PCDH11X: variants seen among roughly 807,000 people sequenced by gnomAD.
PCDH11X encodes protocadherin-11 X-linked.
Under a neutral mutation model 53.3 loss-of-function variants are expected in PCDH11X, and 18 were observed. That is an observed-to-expected ratio of 0.34 (90% CI 0.23 to 0.50). The LOEUF is 0.50. Ranked by LOEUF, PCDH11X falls within the 20% of genes least tolerant of loss-of-function variation. The probability of loss-of-function intolerance (pLI) is 0.98; values close to 1 mark genes in which losing one functional copy is unlikely to be tolerated. For missense variants in PCDH11X, 570 were observed against 1,032.4 expected (o/e 0.55, Z 6.14); for synonymous variants, 279 against 393.3 (o/e 0.71, Z 3.44).
At chrX:92,301,714 T>C (rs1337544039) in intron 8 of PCDH11X, among the ~76,000 whole-genome samples, 2 of 109,555 alleles carry the variant, frequency 1.8e-5, no homozygotes, top group Non-Finnish European at 3.8e-5. Context: ...ATTCCAGATA[T>C]TATTCTGCAG....
chrX:92,032,548 T>C (rs1056154624), intron 6 of PCDH11X, among the ~76,000 whole-genome samples: 16 of 111,263 alleles, frequency 1.4e-4, no homozygotes, highest in African/African-American at 5.2e-4. Context: ...TGGGTATCCT[T>C]GTCGTGTTCC....
chrX:91,870,131 A>G (rs1353223616), intron 5 of PCDH11X, among the ~76,000 whole-genome samples: 5 of 111,900 alleles, frequency 4.5e-5, no homozygotes, highest in Non-Finnish European at 9.4e-5. Context: ...CCTGAAAAAT[A>G]GATGTGCTTC....
chrX:92,345,642 G>T, intron 8 of PCDH11X, among the ~76,000 whole-genome samples: 1 of 111,211 alleles, frequency 9.0e-6, no homozygotes, highest in East Asian at 2.8e-4. Flanking sequence ...AATGTCAGAA[G>T]AAATCTCAAA....
intron 9 of PCDH11X, among the ~76,000 whole-genome samples, chrX:92,442,026 A>C (rs2072525946): frequency 9.0e-6 from 1 of 111,022 alleles, no homozygotes; most frequent in Non-Finnish European, 1.9e-5. Flanking sequence ...TTGGAGTCTT[A>C]AGATTTGACT....
intron 7 of PCDH11X, among the ~76,000 whole-genome samples, chrX:92,237,908 A>G (rs939806109): frequency 8.9e-6 from 1 of 112,013 alleles, no homozygotes; most frequent in Non-Finnish European, 1.9e-5. Context: ...GCCTCAGGGC[A>G]GTCAGGAATT....
intron 6 of PCDH11X, among the ~76,000 whole-genome samples, chrX:91,956,962 C>CT (rs202186904): frequency 0.082 from 8,538 of 103,888 alleles, 542 homozygotes; most frequent in African/African-American, 0.17. Flanking sequence ...CCTTTTCATT[C>CT]TTTTTTCTCT....
chrX:92,470,969 G>A (rs2073250105), intron 10 of PCDH11X, among the ~76,000 whole-genome samples: 1 of 108,700 alleles, frequency 9.2e-6, no homozygotes, highest in Non-Finnish European at 1.9e-5. Context: ...AATAAGTTTT[G>A]TAGTGTTCCC....
At chrX:91,958,305 C>T (rs1418089188) in intron 6 of PCDH11X, among the ~76,000 whole-genome samples, 1 of 111,812 alleles carries the variant, frequency 8.9e-6, no homozygotes, top group Admixed American at 9.5e-5. Flanking sequence ...GCTTGGCTCA[C>T]TGGATTCAGC....
At chrX:92,560,825 C>T (rs904140509) in intron 10 of PCDH11X, among the ~76,000 whole-genome samples, 2 of 106,456 alleles carry the variant, frequency 1.9e-5, no homozygotes, top group Non-Finnish European at 3.8e-5. Flanking sequence ...GGCTCCTAGA[C>T]ATCACTGGAC....
chrX:91,996,253 G>A (rs920742760), intron 6 of PCDH11X, among the ~76,000 whole-genome samples: 2 of 101,713 alleles, frequency 2.0e-5, no homozygotes, highest in African/African-American at 7.3e-5. Context: ...TTCAAGCGAT[G>A]ATTCTCCTGC....
intron 8 of PCDH11X, among the ~76,000 whole-genome samples, chrX:92,345,374 A>C (rs2069867207): frequency 1.8e-5 from 2 of 110,478 alleles, no homozygotes; most frequent in African/African-American, 6.6e-5. Flanking sequence ...ATATGGAAGT[A>C]AATAATAATT....
intron 4 of PCDH11X, among the ~76,000 whole-genome samples, chrX:91,816,146 A>T (rs756488069): frequency 9.0e-6 from 1 of 111,195 alleles, no homozygotes; most frequent in East Asian, 2.8e-4. Context: ...CCCAAAAAAA[A>T]TCTCCAATAC....
intron 8 of PCDH11X, among the ~76,000 whole-genome samples, chrX:92,335,108 C>A (rs1466477750): frequency 2.7e-5 from 3 of 110,382 alleles, no homozygotes; most frequent in African/African-American, 9.9e-5. Context: ...CTATTTCTGA[C>A]ATTCCCAAAC....
intron 5 of PCDH11X, among the ~76,000 whole-genome samples, chrX:91,846,797 ACTT>A (rs1267895961): frequency 9.2e-6 from 1 of 109,007 alleles, no homozygotes; most frequent in Non-Finnish European, 1.9e-5. Flanking sequence ...AATTATTGAC[ACTT>A]CTTTTTACTG....
intron 10 of PCDH11X, among the ~76,000 whole-genome samples, chrX:92,550,965 C>T (rs1207087785): frequency 9.0e-6 from 1 of 110,810 alleles, no homozygotes; most frequent in African/African-American, 3.3e-5. Flanking sequence ...ATATGTACCA[C>T]ATTTCTTTCT....
chrX:92,353,553 T>C (rs1454519390), intron 8 of PCDH11X, among the ~76,000 whole-genome samples: 1 of 110,871 alleles, frequency 9.0e-6, no homozygotes, highest in Non-Finnish European at 1.9e-5. Flanking sequence ...CTCTTTGCTT[T>C]CAGAATAATT....
chrX:92,536,500 T>G (rs1414087026), intron 10 of PCDH11X, among the ~76,000 whole-genome samples: 1 of 110,781 alleles, frequency 9.0e-6, no homozygotes, highest in Non-Finnish European at 1.9e-5. Context: ...GTATACCATA[T>G]GGTAGCTGCA....
intron 1 of PCDH11X, among the ~76,000 whole-genome samples, chrX:91,793,572 T>C (rs1156848332): frequency 1.8e-5 from 2 of 111,199 alleles, no homozygotes; most frequent in Non-Finnish European, 3.8e-5. Flanking sequence ...GAATACTAAG[T>C]TGGAAAACAA....
At chrX:92,116,539 G>A (rs1456337281) in intron 6 of PCDH11X, among the ~76,000 whole-genome samples, 3 of 112,027 alleles carry the variant, frequency 2.7e-5, no homozygotes, top group African/African-American at 9.7e-5. Flanking sequence ...CTTTCTGGCT[G>A]TTTTCTTATT....
Sources: allele counts gnomAD v4.1 joint callset (sites outside exome capture counted in the v4.1 genomes callset), GRCh38; gene constraint gnomAD v4.1.1; transcripts MANE v1.5; gene names NCBI Gene and HGNC (gene_info 2026-07-23, HGNC 2026-07-21).